AGO2: variants seen among roughly 807,000 people sequenced by gnomAD.
AGO2 encodes the protein argonaute RISC catalytic component 2.
Under a neutral mutation model 102.3 loss-of-function variants are expected in AGO2, and 5 were observed. That is an observed-to-expected ratio of 0.05 (90% CI 0.03 to 0.10). The LOEUF (loss-of-function observed/expected upper bound fraction) is 0.10, where lower values mean the gene tolerates loss of function less well. Among genes scored for constraint, AGO2 ranks in the 10% least tolerant of loss-of-function variants. AGO2 has a pLI of 1.00. For synonymous variants in AGO2, 449 were observed against 473.1 expected, an observed-to-expected ratio of 0.95 and a Z score of 0.66; for missense variants, 541 against 1,183.7, an observed-to-expected ratio of 0.46 and a Z score of 7.97.
chr8:140,574,141 C>T (rs1301620449), intron 2 of AGO2, among the ~76,000 whole-genome samples: 3 of 120,326 alleles, frequency 2.5e-5, no homozygotes, highest in Non-Finnish European at 5.4e-5. Context: ...CACCCCCCAA[C>T]CCCCACTTCC....
intron 1 of AGO2, among the ~76,000 whole-genome samples, chr8:140,622,112 C>G (rs977218465): frequency 4.6e-5 from 7 of 152,184 alleles, no homozygotes; most frequent in African/African-American, 1.4e-4. Flanking sequence ...TGAAGACATG[C>G]CGAGTGAAAG....
Position 140,540,933 on chromosome 8 carries a change from AC to A in AGO2, c.2034+230del, listed in dbSNP as rs1340207375. On this transcript the variant is annotated intron_variant, in intron 15 of 18. Coordinates refer to ENST00000220592, the MANE Select transcript of AGO2 (RefSeq NM_012154.5). This position sits in a 1 kb window ranked among gnomAD's most constrained non-coding sequence, Gnocchi z 5.0. Reference sequence around the variant, plus strand: ...CCCATCTCTTGGTCCCCAGGCCCATACCCGCCCCTCCTCCCCTCCCTCTGTC... The same window carrying A: ...CCCATCTCTTGGTCCCCAGGCCCATACCGCCCCTCCTCCCCTCCCTCTGTC... Among the ~76,000 whole-genome samples, 1 of 150,758 alleles carries A rather than the reference AC, an allele frequency of 6.6e-6. No individual in the cohort carries two copies. The highest frequency in any genetic ancestry group is 2.4e-5 in the African/African-American group (1 of 40,980).
rs537244456 is a variant in AGO2, at chr8:140,541,900, TCAAAAA to T, written c.1840-548_1840-543del. Among the ~76,000 whole-genome samples the T allele has an allele frequency of 1.2e-3, 187 of 152,094 alleles. No homozygotes were observed. In the East Asian group the frequency reaches 0.018, roughly 14 times the overall value. On this transcript the variant is annotated intron_variant, in intron 14 of 18. Coordinates refer to ENST00000220592, the MANE Select transcript of AGO2 (RefSeq NM_012154.5). ...CTGGGCAACAGAGTGAGACTCTATC[TCAAAAA>T]CAAAAACAAAAACAAAAACAGAAAA...
At chr8:140,561,458 T>C (rs1476377351) in intron 4 of AGO2, among the ~76,000 whole-genome samples, 2 of 152,246 alleles carry the variant, frequency 1.3e-5, no homozygotes, top group African/African-American at 2.4e-5. Context: ...ATCACAGTCA[T>C]TTCTGCAACT....
chr8:140,594,577 C>T (rs2073794501), intron 1 of AGO2, among the ~76,000 whole-genome samples: 1 of 151,570 alleles, frequency 6.6e-6, no homozygotes, highest in African/African-American at 2.4e-5. Flanking sequence ...CACTTGAGGC[C>T]ACAAGTTCGA....
intron 1 of AGO2, among the ~76,000 whole-genome samples, chr8:140,597,108 GA>G (rs111304750): frequency 6.6e-6 from 1 of 151,552 alleles, no homozygotes; most frequent in Non-Finnish European, 1.5e-5. Context: ...CTGTATAGAA[GA>G]AAAAAAAACT....
At chr8:140,609,862 C>G (rs1414864749) in intron 1 of AGO2, among the ~76,000 whole-genome samples, 1 of 151,686 alleles carries the variant, frequency 6.6e-6, no homozygotes, top group Non-Finnish European at 1.5e-5. Flanking sequence ...CTACAATGGC[C>G]AGGCACGGGG....
At chr8:140,532,713 T>G in intron 17 of AGO2, 98 bp from the exon 18 acceptor site, 1 of 1,301,050 alleles carries the variant, frequency 7.7e-7, no homozygotes, top group Non-Finnish European at 1.1e-6. Context: ...AAATGCATCA[T>G]AGTCTGGACA....
intron 10 of AGO2, among the ~76,000 whole-genome samples, chr8:140,553,772 C>T (rs2073046662): frequency 6.6e-6 from 1 of 152,098 alleles, no homozygotes; most frequent in Non-Finnish European, 1.5e-5. Flanking sequence ...AATCTCGGCT[C>T]ACTGCAACCT....
chr8:140,641,529 A>C, the AGO2 span, among the ~76,000 whole-genome samples: 3 of 152,218 alleles, frequency 2.0e-5, no homozygotes, highest in East Asian at 5.8e-4. Flanking sequence ...TTTTGGCTGT[A>C]AGACCAATAT....
intron 3 of AGO2, among the ~76,000 whole-genome samples, chr8:140,563,878 C>T (rs1002219360): frequency 3.9e-5 from 6 of 152,174 alleles, no homozygotes; most frequent in Non-Finnish European, 8.8e-5. Context: ...TCATCCTTGT[C>T]GCCCAGGGCC....
At chr8:140,560,024 C>G (rs2073170626) in intron 5 of AGO2, among the ~76,000 whole-genome samples, 1 of 152,206 alleles carries the variant, frequency 6.6e-6, no homozygotes, top group Admixed American at 6.5e-5. Context: ...ATGTCCTGCA[C>G]AGAGCAGCGA....
intron 1 of AGO2, among the ~76,000 whole-genome samples, chr8:140,593,764 C>A (rs2073780715): frequency 6.6e-6 from 1 of 152,090 alleles, no homozygotes; most frequent in Admixed American, 6.6e-5. Context: ...ACGGGCAAGG[C>A]AGGCAGGATC....
intron 1 of AGO2, among the ~76,000 whole-genome samples, chr8:140,608,327 C>G (rs1042263490): frequency 6.6e-6 from 1 of 152,228 alleles, no homozygotes; most frequent in South Asian, 2.1e-4. Context: ...GCTCTGGCAG[C>G]GCAGTGGCCA....
rs561533643 is a variant in AGO2, at chr8:140,608,578, C to T, written c.23-23267G>A. Among the ~76,000 whole-genome samples, 5 of 152,196 alleles carry T rather than the reference C, an allele frequency of 3.3e-5. No individual in the cohort carries two copies. In the East Asian group the frequency reaches 7.7e-4, roughly 23 times the overall value. On this transcript the variant is annotated intron_variant, in intron 1 of 18. Transcript: ENST00000220592. ...CGGGGACCTGAGCAGACACCGTGGA[C>T]GGAGCAGGTCCAGGCTGAGGGAAGG...
At chr8:140,572,517 G>A (rs889571884) in intron 3 of AGO2, 1 of 253,092 alleles carries the variant, frequency 4.0e-6, no homozygotes, top group Non-Finnish European at 7.5e-6. Context: ...CTCTTGTCTG[G>A]CGGTGGTTTG....
At chr8:140,585,523 T>G (rs749868331) in intron 1 of AGO2, among the ~76,000 whole-genome samples, 24 of 152,244 alleles carry the variant, frequency 1.6e-4, no homozygotes, top group Non-Finnish European at 2.9e-4. Flanking sequence ...AAACTTGCTA[T>G]GTCCATTCCT....
In AGO2 at chr8:140,532,068, A is replaced by G; in HGVS notation, c.2556T>C (p.Thr852=). The stretch of plus-strand genomic sequence containing the variant: ...GTCAAGCAAAGTACATGGTGCGCAG[A>G]GTGTCTTGGTGAACCTGGACCGCCT... ...LAKAVQVHQD[T]LRTMYFA is the part of the protein sequence containing the mutation. The change falls in exon 19 of 19, where the codon ACT becomes ACC. Residue 852 remains threonine (T), a synonymous_variant. Transcript: ENST00000220592. 1.2e-6 allele frequency: 2 copies of G among 1,614,146 alleles called. No homozygotes were observed. The highest frequency in any genetic ancestry group is 1.7e-6 in the Non-Finnish European group (2 of 1,180,024).
chr8:140,586,539 C>T lies in AGO2; in HGVS notation c.23-1228G>A, dbSNP rs114402958. 2.5e-3 allele frequency among the ~76,000 whole-genome samples: 382 copies of T among 152,308 alleles called. 1 individual carries two copies. The highest frequency in any genetic ancestry group is 8.2e-3 in the African/African-American group (342 of 41,572). The stretch of plus-strand genomic sequence containing the variant: ...ACTGAGTCCTCAAGCAGCACCCATG[C>T]TGCCACCAGGGACAGTTTCCAGGTG... On this transcript the variant is annotated intron_variant, in intron 1 of 18. Transcript: ENST00000220592.
Sources: gnomAD v4.1 joint callset for allele counts (sites outside exome capture counted in the v4.1 genomes callset) on GRCh38, gnomAD v4.1.1 for gene constraint, Gnocchi (gnomAD v3.1) non-coding constraint, MANE v1.5 for transcripts, NCBI Gene and HGNC (gene_info 2026-07-23, HGNC 2026-07-21) for gene names.